ZDHHC5: variants seen among roughly 807,000 people sequenced by gnomAD.
ZDHHC5 encodes zDHHC palmitoyltransferase 5.
Under a neutral mutation model 70.0 loss-of-function variants are expected in ZDHHC5, and 22 were observed. That is an observed-to-expected ratio of 0.31 (90% CI 0.22 to 0.45). ZDHHC5 has a LOEUF of 0.45. Among genes scored for constraint, ZDHHC5 ranks in the 20% least tolerant of loss-of-function variants. ZDHHC5 has a pLI of 1.00. For synonymous variants in ZDHHC5, 313 were observed against 347.8 expected, an observed-to-expected ratio of 0.90 and a Z score of 1.11; for missense variants, 746 against 926.9, an observed-to-expected ratio of 0.80 and a Z score of 2.53.
chr11:57,685,339 T>A (rs111307454), intron 3 of ZDHHC5, among the ~76,000 whole-genome samples: 1 of 152,072 alleles, frequency 6.6e-6, no homozygotes, highest in East Asian at 1.9e-4. Context: ...ACTATGATGG[T>A]CATTTGGGGT....
At chr11:57,693,753 G>GTCTCTC in intron 7 of ZDHHC5, 30 bp from the exon 8 acceptor site, 1 of 1,425,014 alleles carries the variant, frequency 7.0e-7, no homozygotes. Context: ...CTCTCGCTGT[G>GTCTCTC]TCTCTCTCTC....
At chr11:57,695,795 C>CA (rs200575894) in intron 8 of ZDHHC5, 125 bp from the exon 9 acceptor site, 94,082 of 1,133,218 alleles carry the variant, frequency 0.083, 30 homozygotes, top group East Asian at 0.19. Flanking sequence ...GACCTTGTCT[C>CA]AAAAAAAAAA....
At chr11:57,690,261 G>A in intron 5 of ZDHHC5, 58 bp downstream of exon 5, 1 of 1,613,580 alleles carries the variant, frequency 6.2e-7, no homozygotes, top group South Asian at 1.1e-5. Flanking sequence ...GAGGGCTAAA[G>A]GGAAAATGGC....
At position 57,669,706 on chromosome 11, in the gene ZDHHC5, G is replaced by A. The variant is rs191373689; in HGVS notation, c.-1071+1519G>A. On this transcript the variant is annotated intron_variant, in intron 1 of 11. Transcript: ENST00000287169. ...ACTCCTGACCTCAAATGATCCGCCC[G>A]CCTCGGCCTCCCAAAGTGCTGGGAT... is the stretch of plus-strand genomic sequence containing the variant. 5.3e-5 allele frequency among the ~76,000 whole-genome samples: 8 copies of A among 152,250 alleles called. No homozygotes were observed. In the South Asian group the frequency reaches 1.2e-3, roughly 24 times the overall value.
At chr11:57,668,606 C>T (rs1474742443) in intron 1 of ZDHHC5, 2 of 152,364 alleles carry the variant, frequency 1.3e-5, no homozygotes, top group East Asian at 3.9e-4. Context: ...GGTGATTCTC[C>T]TTTCCCCAGT....
rs1282672809 is a variant in ZDHHC5, at chr11:57,690,215, G to C, written c.557+12G>C. ...CGCACGGCTGTCACGTATCCTTCAA[G>C]GCCTTTTAGATTGTGGGATTGGAAG... is the stretch of plus-strand genomic sequence containing the variant. On this transcript the variant is annotated intron_variant, in intron 5 of 11. Coordinates refer to ENST00000287169, the MANE Select transcript of ZDHHC5 (RefSeq NM_015457.3). 6.2e-7 allele frequency: 1 copy of C among 1,613,682 alleles called. No homozygotes were observed. The highest frequency in any genetic ancestry group is 8.5e-7 in the Non-Finnish European group (1 of 1,179,794).
chr11:57,673,466 C>T (rs1946032458), intron 2 of ZDHHC5, among the ~76,000 whole-genome samples: 1 of 152,194 alleles, frequency 6.6e-6, no homozygotes, highest in African/African-American at 2.4e-5. Context: ...TACCCAGCTC[C>T]ATCATTAGAT....
chr11:57,692,593 T>A lies in ZDHHC5; in HGVS notation c.661-18T>A. Reference sequence around the variant, plus strand: ...CAAGGTCTCATCTTCTAACCTGGTATTTTTTTTCTCCCTCTAGGTTACGGG... The same window carrying A: ...CAAGGTCTCATCTTCTAACCTGGTAATTTTTTTCTCCCTCTAGGTTACGGG... On this transcript the variant is annotated intron_variant, in intron 6 of 11. Coordinates refer to ENST00000287169, the MANE Select transcript of ZDHHC5 (RefSeq NM_015457.3). The A allele has an allele frequency of 6.2e-7, 1 of 1,604,848 alleles. No individual in the cohort carries two copies. The highest frequency in any genetic ancestry group is 8.5e-7 in the Non-Finnish European group (1 of 1,173,358).
At chr11:57,696,920 G>T in intron 10 of ZDHHC5, 47 bp downstream of exon 10, 1 of 1,585,590 alleles carries the variant, frequency 6.3e-7, no homozygotes, top group South Asian at 1.1e-5. Flanking sequence ...CAACTGGCCA[G>T]GCACAGTGGC....
intron 10 of ZDHHC5, among the ~76,000 whole-genome samples, chr11:57,697,957 AACC>A (rs1187067303): frequency 6.6e-6 from 1 of 151,614 alleles, no homozygotes; most frequent in Non-Finnish European, 1.5e-5. Context: ...AACTTGGTGA[AACC>A]CTGTCTCTAC....
At chr11:57,684,495 G>T (rs1946186292) in intron 3 of ZDHHC5, among the ~76,000 whole-genome samples, 1 of 152,200 alleles carries the variant, frequency 6.6e-6, no homozygotes, top group South Asian at 2.1e-4. Flanking sequence ...TGAGGCAGGA[G>T]AATTGCTACG....
rs1321702251 is a variant in ZDHHC5 at position 57,701,145 on chromosome 11, T to C, written c.*1114T>C. 6.6e-6 allele frequency: 1 copy of C among 152,556 alleles called. No homozygotes were observed. The highest frequency in any genetic ancestry group is 2.4e-5 in the African/African-American group (1 of 41,418). 9.5% of individuals were successfully genotyped at this position (152,556 alleles called of 1,614,324 possible). On this transcript the variant is annotated 3_prime_UTR_variant, in exon 12 of 12. Coordinates refer to ENST00000287169, the MANE Select transcript of ZDHHC5 (RefSeq NM_015457.3). ...TTTATTTTTTATTCTGATTAGCCAT[T>C]TTAAACCAACGAGGAATAAAAAGAA...
rs1946021519 is a variant in ZDHHC5, at chr11:57,672,685, T to C, written c.-406T>C. The C allele has an allele frequency of 5.5e-6, 1 of 182,388 alleles. No individual in the cohort carries two copies. The highest frequency in any genetic ancestry group is 6.0e-5 in the Admixed American group (1 of 16,736). The allele number at this position is 182,388 out of a possible 1,614,324, so 11.3% of individuals were successfully genotyped here. ...AAAGTTTTTTTGCCATACCCTGATA[T>C]TCTCTCCTTCTTTTGAAGACCTGCC... On this transcript the variant is annotated 5_prime_UTR_variant, in exon 2 of 12. Coordinates refer to ENST00000287169, the MANE Select transcript of ZDHHC5 (RefSeq NM_015457.3).
At chr11:57,687,756 G>GTTTTTTTTTTTTTTTTTTTTTTTTTT (rs746146074) in intron 3 of ZDHHC5, among the ~76,000 whole-genome samples, 2 of 75,274 alleles carry the variant, frequency 2.7e-5, no homozygotes, top group African/African-American at 1.0e-4. Context: ...TTTTGGGAAA[G>GTTTTTTTTTTTTTTTTTTTTTTTTTT]TTTTTTTTTT....
In ZDHHC5 at chr11:57,672,265, C is replaced by G. The variant is rs1016494975; in HGVS notation, c.-826C>G. 2 of 398,416 alleles carry G rather than the reference C, an allele frequency of 5.0e-6. No individual in the cohort carries two copies. Among genetic ancestry groups the G allele is most frequent in the Non-Finnish European group, 8.8e-6 (2 of 226,068 alleles). The allele number at this position is 398,416 out of a possible 1,614,324, so 24.7% of individuals were successfully genotyped here. ...CATGAACTTTGTAGGAAACAGAGCC[C>G]TTAAAGGGCTTGGGAATAACAAGAA... On this transcript the variant is annotated 5_prime_UTR_variant, in exon 2 of 12. Transcript: ENST00000287169.
chr11:57,699,251 C>T lies in ZDHHC5; in HGVS notation c.1815C>T (p.Val605=). Residue 605 remains valine, a synonymous_variant, in exon 11 of 12, where the codon GTC becomes GTT. Coordinates refer to ENST00000287169, the MANE Select transcript of ZDHHC5 (RefSeq NM_015457.3). ...AGACTCCACTGGGACGCCCAGCTGTCCCCCGTTTTGGCAAGCCAGATGGGC... is the reference window on the plus strand; with the variant it reads ...AGACTCCACTGGGACGCCCAGCTGTTCCCCGTTTTGGCAAGCCAGATGGGC... ...LGKTPLGRPA[V]PRFGKPDGLR... The T allele has an allele frequency of 6.2e-7, 1 of 1,614,206 alleles. No individual in the cohort carries two copies. The highest frequency in any genetic ancestry group is 1.7e-5 in the Admixed American group (1 of 60,022).
intron 6 of ZDHHC5, among the ~76,000 whole-genome samples, chr11:57,692,213 G>T (rs898919410): frequency 6.6e-6 from 1 of 152,096 alleles, no homozygotes; most frequent in Admixed American, 6.6e-5. Flanking sequence ...TAGAGATGGG[G>T]TTTTGCCATG....
rs185338437 is a variant in ZDHHC5 at position 57,672,597 on chromosome 11, C to A, written c.-494C>A. ...GGGCACACCTCTTTTAGGTGCAGCT[C>A]ACATTTTATGGAACTGTAGTCGTGG... On this transcript the variant is annotated 5_prime_UTR_variant, in exon 2 of 12. Coordinates refer to ENST00000287169, the MANE Select transcript of ZDHHC5 (RefSeq NM_015457.3). The A allele has an allele frequency of 9.2e-5, 21 of 228,166 alleles. No individual in the cohort carries two copies. In the East Asian group the frequency reaches 1.7e-3, roughly 18 times the overall value. The allele number at this position is 228,166 out of a possible 1,614,324, so 14.1% of individuals were successfully genotyped here. A position where few individuals can be genotyped will look rare whatever the true frequency, so the allele number is the denominator to read the frequency against.
rs1475266868 is a variant in ZDHHC5, at chr11:57,692,667, T to C, written c.717T>C (p.Asn239=). 5 of 1,614,048 alleles carry C rather than the reference T, an allele frequency of 3.1e-6. No individual in the cohort carries two copies. The highest frequency in any genetic ancestry group is 4.5e-5 in the East Asian group (2 of 44,888). The change falls in exon 7 of 12, where the codon AAT becomes AAC. Residue 239 remains asparagine (N), a synonymous_variant. Coordinates refer to ENST00000287169, the MANE Select transcript of ZDHHC5 (RefSeq NM_015457.3). ...CCTTCACCAATGGCTGCTGTAACAA[T>C]GTCAGCCGTGTTCTCTGCAGTTCTC... ...VNPFTNGCCN[N]VSRVLCSSPA... is the part of the protein sequence containing the mutation.
Sources: allele counts gnomAD v4.1 joint callset (sites outside exome capture counted in the v4.1 genomes callset), GRCh38; gene constraint gnomAD v4.1.1; transcripts MANE v1.5; gene names NCBI Gene and HGNC (gene_info 2026-07-23, HGNC 2026-07-21).